Variants in NRBP1 observed in about 807,000 individuals in gnomAD.
NRBP1 encodes the protein nuclear receptor-binding protein.
NRBP1 carries 10 observed loss-of-function variants against 76.0 expected under a neutral mutation model. The ratio of observed to expected loss-of-function variants is 0.13; its 90% CI spans 0.08 to 0.22. The LOEUF (loss-of-function observed/expected upper bound fraction) is 0.22. NRBP1 is among the 10% of genes least tolerant of loss of function. The pLI, the probability that NRBP1 is intolerant of heterozygous loss-of-function variation, is 1.00. For synonymous variants in NRBP1, 235 were observed against 240.2 expected, an observed-to-expected ratio of 0.98 and a Z score of 0.20; for missense variants, 344 against 646.0, an observed-to-expected ratio of 0.53 and a Z score of 5.07.
chr2:27,428,529 GC>G (rs1044981091), upstream of NRBP1: 4 of 395,798 alleles, frequency 1.0e-5, no homozygotes, highest in African/African-American at 6.2e-5. Context: ...ACGCCCGAGG[GC>G]CGGGCCCCGC....
chr2:27,434,444 CT>C, intron 4 of NRBP1, 26 bp from the exon 5 acceptor site: 4 of 1,513,040 alleles, frequency 2.6e-6, no homozygotes, highest in Non-Finnish European at 3.7e-6. Flanking sequence ...ACTATAAGGC[CT>C]TTTAGTAAGT....
intron 7 of NRBP1, 111 bp downstream of exon 7, chr2:27,435,338 TGAGAA>T (rs1292915975): frequency 1.2e-6 from 1 of 843,462 alleles, no homozygotes; most frequent in African/African-American, 1.7e-5. Context: ...TGTGGGCTGG[TGAGAA>T]GAGAAAGGAC....
intron 1 of NRBP1, among the ~76,000 whole-genome samples, chr2:27,431,396 G>A (rs1414825388): frequency 6.6e-6 from 1 of 152,196 alleles, no homozygotes; most frequent in East Asian, 1.9e-4. Context: ...AAAGCTGGAA[G>A]CTTAAAGTCT....
At chr2:27,431,039 G>A (rs1228429919) in intron 1 of NRBP1, among the ~76,000 whole-genome samples, 5 of 152,208 alleles carry the variant, frequency 3.3e-5, no homozygotes, top group African/African-American at 9.6e-5. Flanking sequence ...GGTGGCTCAC[G>A]CCTGTAATCC....
chr2:27,435,523 AC>A, intron 7 of NRBP1: 1 of 630,232 alleles, frequency 1.6e-6, no homozygotes, highest in African/African-American at 1.8e-5. Flanking sequence ...CTGGGGCCAG[AC>A]CCTGCCAGAG....
At chr2:27,435,864 T>A in intron 7 of NRBP1, 1 of 704,956 alleles carries the variant, frequency 1.4e-6, no homozygotes, top group Middle Eastern at 2.7e-4. Flanking sequence ...CCCTGCCTAA[T>A]TATGCCTGCT....
At position 27,441,977 on chromosome 2, in the gene NRBP1, C is replaced by T. The variant is rs1038482104; in HGVS notation, c.*165C>T. On this transcript the variant is annotated 3_prime_UTR_variant, in exon 18 of 18. Coordinates refer to ENST00000379852, the MANE Select transcript of NRBP1 (RefSeq NM_013392.4). ...CTGGTTCTGAGCATCATCCTTTCCC[C>T]TCCCCTCTCTTCCTCCCCTCTGCAC... 5 of 600,804 alleles carry T rather than the reference C, an allele frequency of 8.3e-6. No homozygotes were observed. The highest frequency in any genetic ancestry group is 1.2e-5 in the Non-Finnish European group (4 of 338,464). The allele number at this position is 600,804 out of a possible 1,614,324, so 37.2% of individuals were successfully genotyped here. A position where few individuals can be genotyped will look rare whatever the true frequency, so the allele number is the denominator to read the frequency against.
At chr2:27,439,995 CTTT>C (rs70953859) in intron 11 of NRBP1, 97 bp downstream of exon 11, 101 of 459,670 alleles carry the variant, frequency 2.2e-4, no homozygotes, top group Middle Eastern at 8.1e-4. Context: ...CAAAGGGATT[CTTT>C]TTTTTTTTTT....
intron 17 of NRBP1, 22 bp downstream of exon 17, chr2:27,441,644 G>T (rs745811336): frequency 1.2e-6 from 2 of 1,613,742 alleles, no homozygotes; most frequent in African/African-American, 2.7e-5. Context: ...GCCTTCATCT[G>T]CCCTGGCTGC....
chr2:27,437,508 G>T, intron 10 of NRBP1, 148 bp downstream of exon 10: 1 of 648,764 alleles, frequency 1.5e-6, no homozygotes, highest in Non-Finnish European at 2.8e-6. Flanking sequence ...TTCTTAGGAG[G>T]TGCCTACCAT....
At chr2:27,435,602 T>G in intron 7 of NRBP1, 1 of 710,468 alleles carries the variant, frequency 1.4e-6, no homozygotes, top group Non-Finnish European at 2.6e-6. Flanking sequence ...GTACAACATT[T>G]CTGTGTGCTG....
chr2:27,432,491 T>C (rs1020434516), intron 1 of NRBP1, among the ~76,000 whole-genome samples: 1 of 152,150 alleles, frequency 6.6e-6, no homozygotes, highest in East Asian at 1.9e-4. Context: ...CTGGGGTCTT[T>C]TTATGTTGTC....
chr2:27,441,071 A>G, intron 14 of NRBP1, 56 bp from the exon 15 acceptor site: 2 of 1,610,108 alleles, frequency 1.2e-6, no homozygotes, highest in Non-Finnish European at 1.7e-6. Context: ...AAAGACGTCT[A>G]GGTATTGGGT....
intron 14 of NRBP1, 28 bp from the exon 15 acceptor site, chr2:27,441,099 C>G (rs1664531016): frequency 6.2e-7 from 1 of 1,612,406 alleles, no homozygotes; most frequent in African/African-American, 1.3e-5. Context: ...GGACAGGTCT[C>G]TAGAGTGACC....
chr2:27,436,995 A>C (rs1664332161), intron 8 of NRBP1, 52 bp from the exon 9 acceptor site: 1 of 1,557,746 alleles, frequency 6.4e-7, no homozygotes, highest in Non-Finnish European at 8.8e-7. Flanking sequence ...CATTCCTGCC[A>C]ACCCTAGCCC....
At chr2:27,439,080 A>G (rs1395094121) in intron 10 of NRBP1, among the ~76,000 whole-genome samples, 2 of 152,206 alleles carry the variant, frequency 1.3e-5, no homozygotes, top group Admixed American at 6.5e-5. Context: ...AAAAATGGTG[A>G]ATATTGATCA....
In NRBP1 at chr2:27,440,874, A is replaced by C; in HGVS notation, c.1263A>C (p.Thr421=). ...AGCAGCCACAGCAGGAGGAGGTGAC[A>C]TCACCTGTCGTGCCCCCCTCTGTCA... ...RPQQPQQEEV[T]SPVVPPSVKT... The change falls in exon 14 of 18, where the codon ACA becomes ACC. Residue 421 remains threonine, a synonymous_variant. Coordinates refer to ENST00000379852, the MANE Select transcript of NRBP1 (RefSeq NM_013392.4). The C allele has an allele frequency of 6.2e-7, 1 of 1,614,098 alleles. No homozygotes were observed.
intron 11 of NRBP1, 119 bp from the exon 12 acceptor site, chr2:27,440,284 C>G: frequency 5.4e-6 from 4 of 734,320 alleles, no homozygotes; most frequent in Non-Finnish European, 9.6e-6. Flanking sequence ...GCTGGGATTA[C>G]AGGCATGAGC....
upstream of NRBP1, chr2:27,428,369 G>A (rs1663944694): frequency 3.0e-6 from 1 of 329,418 alleles, no homozygotes; most frequent in African/African-American, 2.1e-5. Context: ...CCCTCTCTGC[G>A]TCCAGCAGAA....
Sources: gnomAD v4.1 joint callset for allele counts (sites outside exome capture counted in the v4.1 genomes callset) on GRCh38, gnomAD v4.1.1 for gene constraint, MANE v1.5 for transcripts, NCBI Gene and HGNC (gene_info 2026-07-23, HGNC 2026-07-21) for gene names.